ELFN2: variants seen among roughly 807,000 people sequenced by gnomAD.
ELFN2 encodes the protein protein phosphatase 1 regulatory subunit 29.
Under a neutral mutation model 45.5 loss-of-function variants are expected in ELFN2, and 17 were observed. That is an observed-to-expected ratio of 0.37 (90% CI 0.26 to 0.56). ELFN2 has a LOEUF of 0.56. ELFN2 is among the 20% of genes least tolerant of loss of function. The pLI, the probability that ELFN2 is intolerant of heterozygous loss-of-function variation, is 0.77. For missense variants in ELFN2, 922 were observed against 1,183.2 expected (o/e 0.78, Z 3.24); for synonymous variants, 550 against 551.5 (o/e 1.00, Z 0.04).
chr22:37,372,855 T>G lies in ELFN2; in HGVS notation c.*217A>C. On this transcript the variant is annotated 3_prime_UTR_variant, in exon 3 of 3. Coordinates refer to ENST00000402918, the MANE Select transcript of ELFN2 (RefSeq NM_052906.5). This position sits in a 1 kb window ranked among gnomAD's most constrained non-coding sequence, Gnocchi z 4.4. ...ATCAGTTTGTAAACTTTAAGGAAAATGTGTCTCTGTTTTCCTGTCCGTTAT... is the reference window on the plus strand; with the variant it reads ...ATCAGTTTGTAAACTTTAAGGAAAAGGTGTCTCTGTTTTCCTGTCCGTTAT... 1.8e-6 allele frequency: 1 copy of G among 562,266 alleles called. No individual in the cohort carries two copies. The highest frequency in any genetic ancestry group is 1.9e-5 in the African/African-American group (1 of 52,684). 34.8% of individuals were successfully genotyped at this position (562,266 alleles called of 1,614,324 possible). A position where few individuals can be genotyped will look rare whatever the true frequency, so the allele number is the denominator to read the frequency against.
intron 1 of ELFN2, among the ~76,000 whole-genome samples, chr22:37,348,798 T>C (rs1047126036): frequency 6.7e-6 from 1 of 149,616 alleles, no homozygotes; most frequent in Non-Finnish European, 1.5e-5. Context: ...GACATGGAGG[T>C]CAGCCGGACG....
Position 37,385,055 on chromosome 22 carries a change from AC to A in ELFN2, c.-462-9060del, listed in dbSNP as rs1450545247. Reference sequence around the variant, plus strand: ...GGCGAACGCTTCCCTGCCCTCCAGTACCCTCAGGGCTGTCCCAAGACAGGGG... The same window carrying A: ...GGCGAACGCTTCCCTGCCCTCCAGTACCTCAGGGCTGTCCCAAGACAGGGG... On this transcript the variant is annotated intron_variant, in intron 2 of 2. Coordinates refer to ENST00000402918, the MANE Select transcript of ELFN2 (RefSeq NM_052906.5). 1.1e-4 allele frequency: 16 copies of A among 152,180 alleles called. 1 individual carries two copies. Among genetic ancestry groups the A allele is most frequent in the Admixed American group, 9.8e-4 (15 of 15,280 alleles). The allele number at this position is 152,180 out of a possible 1,614,324, so 9.4% of individuals were successfully genotyped here. A position where few individuals can be genotyped will look rare whatever the true frequency, so the allele number is the denominator to read the frequency against.
intron 2 of ELFN2, among the ~76,000 whole-genome samples, chr22:37,413,521 G>A (rs1343023692): frequency 6.6e-6 from 1 of 150,528 alleles, no homozygotes; most frequent in African/African-American, 2.5e-5. Context: ...AGTGAGCCAT[G>A]ACTGCACCAC....
chr22:37,407,852 G>T (rs959885039), intron 2 of ELFN2, among the ~76,000 whole-genome samples: 1 of 151,344 alleles, frequency 6.6e-6, no homozygotes, highest in African/African-American at 2.4e-5. Flanking sequence ...CCGAGATCGC[G>T]CCACTACACT....
rs1932770245 is a variant in ELFN2, at chr22:37,417,316, C to T, written c.-463+453G>A. Among the ~76,000 whole-genome samples the T allele has an allele frequency of 6.6e-6, 1 of 152,206 alleles. No individual in the cohort carries two copies. The highest frequency in any genetic ancestry group is 2.4e-5 in the African/African-American group (1 of 41,448). On this transcript the variant is annotated intron_variant, in intron 2 of 2. Coordinates refer to ENST00000402918, the MANE Select transcript of ELFN2 (RefSeq NM_052906.5). The surrounding 1 kb of genome is among the most constrained non-coding windows in gnomAD (Gnocchi z 4.5). ...TTTTCCCCTGCTCCCGGCTCACTTC[C>T]AGCCTCTCTCTCTACAATGGACAGA...
At chr22:37,425,421 C>T (rs1341211028) in intron 1 of ELFN2, among the ~76,000 whole-genome samples, 1 of 152,168 alleles carries the variant, frequency 6.6e-6, no homozygotes, top group Non-Finnish European at 1.5e-5. Flanking sequence ...GGAGGGACCA[C>T]GCCACGCGTC....
rs760521399 is a variant in ELFN2, at chr22:37,373,566, C to G, written c.1969G>C (p.Ala657Pro). The stretch of plus-strand genomic sequence containing the variant: ...TCGATGTACTTGGAGTCGCCCTTAG[C>G]CAGCCCTGTGGCGGCCGGATGGTCG... ...VPDHPAATGL[A>P]KGDSKYIEKG... is the part of the protein sequence containing the mutation. The change falls in exon 3 of 3, where the codon GCT (alanine) becomes CCT (proline). Residue 657 changes from alanine to proline, a missense_variant. Physicochemically the swap from Ala to Pro is conservative, Grantham distance 27. This residue lies in a region of ELFN2 where 564 missense variants were observed against 642.8 expected (regional missense o/e 0.88). Transcript: ENST00000402918. The G allele has an allele frequency of 6.2e-7, 1 of 1,604,348 alleles. No homozygotes were observed. Among genetic ancestry groups the G allele is most frequent in the African/African-American group, 1.3e-5 (1 of 74,984 alleles).
chr22:37,425,866 C>CCCAT (rs1932844172), intron 1 of ELFN2, among the ~76,000 whole-genome samples: 1 of 130,060 alleles, frequency 7.7e-6, no homozygotes, highest in African/African-American at 3.2e-5. Context: ...CATGCACATA[C>CCCAT]ACATACACAC....
chr22:37,379,403 G>A (rs1388383365), intron 2 of ELFN2, among the ~76,000 whole-genome samples: 4 of 152,214 alleles, frequency 2.6e-5, no homozygotes, highest in South Asian at 4.1e-4. Flanking sequence ...CAGGAGGGGT[G>A]CAGCCATGCA....
At position 37,374,508 on chromosome 22, in the gene ELFN2, T is replaced by C; in HGVS notation, c.1027A>G (p.Lys343Glu). The change falls in exon 3 of 3, where the codon AAG (lysine) becomes GAG (glutamate). Residue 343 changes from lysine to glutamate, a missense_variant. Physicochemically the swap from Lys to Glu is moderately conservative, Grantham distance 56 (BLOSUM62 1). This residue lies in a region of ELFN2 where 358 missense variants were observed against 540.4 expected (regional missense o/e 0.66). Coordinates refer to ENST00000402918, the MANE Select transcript of ELFN2 (RefSeq NM_052906.5). ...FSDVMTLKNK[K>E]EIVTLDKLRA... The stretch of plus-strand genomic sequence containing the variant: ...AGTTTGTCCAGCGTCACGATCTCCT[T>C]CTTGTTCTTGAGGGTCATGACGTCG... The C allele has an allele frequency of 6.2e-7, 1 of 1,614,202 alleles. No individual in the cohort carries two copies. The highest frequency in any genetic ancestry group is 8.5e-7 in the Non-Finnish European group (1 of 1,180,024).
Position 37,368,697 on chromosome 22 carries a change from G to C in ELFN2, c.*4375C>G, listed in dbSNP as rs964126637. ...CCCTAACCTTCACACTGGCTTCCAC[G>C]GGCAAAGTAAGCCCCTCAGGGCTGA... On this transcript the variant is annotated 3_prime_UTR_variant, in exon 3 of 3. Coordinates refer to ENST00000402918, the MANE Select transcript of ELFN2 (RefSeq NM_052906.5). 1 of 152,316 alleles carries C rather than the reference G, an allele frequency of 6.6e-6. No homozygotes were observed. The highest frequency in any genetic ancestry group is 1.5e-5 in the Non-Finnish European group (1 of 68,106). 9.4% of individuals were successfully genotyped at this position (152,316 alleles called of 1,614,324 possible).
In ELFN2 at chr22:37,375,080, C is replaced by T; in HGVS notation, c.455G>A (p.Ser152Asn). ...VTPTAFSECP[S>N]LISIDLSSNR... ...GGAGGACAGGTCGATGCTGATGAGGCTCGGGCACTCGGAGAAGGCGGTGGG... is the reference window on the plus strand; with the variant it reads ...GGAGGACAGGTCGATGCTGATGAGGTTCGGGCACTCGGAGAAGGCGGTGGG... The change falls in exon 3 of 3, where the codon AGC (serine) becomes AAC (asparagine). Residue 152 changes from serine (S) to asparagine (N), a missense_variant. Around this residue, in one of 2 missense-constraint regions of ELFN2, gnomAD observed 358 missense variants for 540.4 expected, o/e 0.66. Coordinates refer to ENST00000402918, the MANE Select transcript of ELFN2 (RefSeq NM_052906.5). 1 of 1,613,656 alleles carries T rather than the reference C, an allele frequency of 6.2e-7. No homozygotes were observed.
intron 2 of ELFN2, among the ~76,000 whole-genome samples, chr22:37,377,606 C>G (rs1343374639): frequency 6.6e-6 from 1 of 152,160 alleles, no homozygotes; most frequent in Non-Finnish European, 1.5e-5. Flanking sequence ...ACAAGAAGTC[C>G]GAGGTGGGGA....
intron 2 of ELFN2, among the ~76,000 whole-genome samples, chr22:37,396,782 C>T (rs1044313242): frequency 2.6e-5 from 4 of 152,166 alleles, no homozygotes; most frequent in African/African-American, 7.2e-5. Context: ...AGATCGCGCT[C>T]GGTCATGGTC....
chr22:37,375,085 G>A lies in ELFN2; in HGVS notation c.450C>T (p.Cys150=). ...ACAGGTCGATGCTGATGAGGCTCGG[G>A]CACTCGGAGAAGGCGGTGGGCGTCA... ...EVVTPTAFSE[C]PSLISIDLSS... The change falls in exon 3 of 3, where the codon TGC becomes TGT. Residue 150 remains cysteine (C), a synonymous_variant. Coordinates refer to ENST00000402918, the MANE Select transcript of ELFN2 (RefSeq NM_052906.5). The A allele has an allele frequency of 6.2e-7, 1 of 1,613,658 alleles. No homozygotes were observed. Among genetic ancestry groups the A allele is most frequent in the Non-Finnish European group, 8.5e-7 (1 of 1,180,018 alleles).
At chr22:37,381,301 T>G (rs1435495652) in intron 2 of ELFN2, among the ~76,000 whole-genome samples, 1 of 110,920 alleles carries the variant, frequency 9.0e-6, no homozygotes, top group Non-Finnish European at 1.9e-5. Flanking sequence ...ACTGAGCCAG[T>G]CTACTGGGTT....
intron 1 of ELFN2, among the ~76,000 whole-genome samples, chr22:37,356,018 A>G (rs1318825718): frequency 1.3e-5 from 2 of 152,262 alleles, no homozygotes; most frequent in African/African-American, 4.8e-5. Flanking sequence ...AGCCTGAGAC[A>G]GGACTTGAGT....
At chr22:37,405,338 C>T (rs1601765243) in intron 2 of ELFN2, among the ~76,000 whole-genome samples, 1 of 151,988 alleles carries the variant, frequency 6.6e-6, no homozygotes, top group South Asian at 2.1e-4. Flanking sequence ...GGTGATCCAC[C>T]CACCTCGGCC....
chr22:37,341,265 G>T (rs939261145), intron 2 of ELFN2, among the ~76,000 whole-genome samples: 11 of 152,188 alleles, frequency 7.2e-5, no homozygotes, highest in African/African-American at 1.4e-4. Context: ...AGGAGCTGAA[G>T]GGGTTCAGTC....
Sources: allele counts gnomAD v4.1 joint callset (sites outside exome capture counted in the v4.1 genomes callset), GRCh38; gene constraint gnomAD v4.1.1; regional missense constraint gnomAD v4.1.1; non-coding constraint Gnocchi (gnomAD v3.1); transcripts MANE v1.5; gene names NCBI Gene and HGNC (gene_info 2026-07-23, HGNC 2026-07-21).